The following RAPGEF1 variants were observed in gnomAD, a reference collection of about 807,000 sequenced individuals.
RAPGEF1 encodes Rap guanine nucleotide exchange factor 1.
In RAPGEF1, 33 loss-of-function variants were observed where a neutral mutation model predicts 143.3. The ratio of observed to expected loss-of-function variants is 0.23; its 90% CI spans 0.17 to 0.31. The LOEUF (loss-of-function observed/expected upper bound fraction) is 0.31. RAPGEF1 is among the 10% of genes least tolerant of loss of function. RAPGEF1 has a pLI of 1.00. For synonymous variants in RAPGEF1, 629 were observed against 676.5 expected, an observed-to-expected ratio of 0.93 and a Z score of 1.09; for missense variants, 1,199 against 1,645.4, an observed-to-expected ratio of 0.73 and a Z score of 4.69.
chr9:131,671,535 C>G (rs1318328756), intron 1 of RAPGEF1, among the ~76,000 whole-genome samples: 2 of 152,234 alleles, frequency 1.3e-5, no homozygotes, highest in East Asian at 3.8e-4. Flanking sequence ...TCTGGGGGCA[C>G]TGGAATGCAG....
intron 17 of RAPGEF1, among the ~76,000 whole-genome samples, chr9:131,595,881 G>C (rs935087065): frequency 1.3e-5 from 2 of 152,224 alleles, no homozygotes; most frequent in Non-Finnish European, 2.9e-5. Flanking sequence ...TTTCCTCGTG[G>C]AGTATGTGAG....
chr9:131,688,852 C>A (rs1833567994), intron 1 of RAPGEF1, among the ~76,000 whole-genome samples: 1 of 152,164 alleles, frequency 6.6e-6, no homozygotes, highest in African/African-American at 2.4e-5. Flanking sequence ...GAGCCAAGAT[C>A]GTGCCACTGC....
Position 131,604,961 on chromosome 9 carries a change from G to A in RAPGEF1, c.2289C>T (p.Cys763=). The A allele has an allele frequency of 7.6e-7, 1 of 1,313,934 alleles. No homozygotes were observed. Among genetic ancestry groups the A allele is most frequent in the South Asian group, 1.2e-5 (1 of 81,696 alleles). 81.4% of individuals were successfully genotyped at this position (1,313,934 alleles called of 1,614,324 possible). Residue 763 remains cysteine, a synonymous_variant, in exon 13 of 27, where the codon TGC becomes TGT. Coordinates refer to ENST00000683357, the MANE Select transcript of RAPGEF1 (RefSeq NM_001377935.1). ...CAGTGAAAGAGGTTTCGGAAGGAAG[G>A]CAGACAGTATTCCCATGAAAGCTGC... is the stretch of plus-strand genomic sequence containing the variant. ...QESSFHGNTV[C]LPSETSFTDS...
intron 1 of RAPGEF1, among the ~76,000 whole-genome samples, chr9:131,663,195 G>A (rs930127860): frequency 2.6e-5 from 4 of 151,812 alleles, no homozygotes; most frequent in African/African-American, 9.7e-5. Context: ...TTCGTCAACC[G>A]TTAACATTTT....
intron 1 of RAPGEF1, chr9:131,725,318 T>C (rs1421356738): frequency 6.6e-6 from 1 of 152,070 alleles, no homozygotes; most frequent in African/African-American, 2.4e-5. Context: ...GTCCCAGAGG[T>C]TAACATATTG....
chr9:131,627,994 G>A lies in RAPGEF1; in HGVS notation c.1120C>T (p.Leu374Phe), dbSNP rs371392582. 1.1e-4 allele frequency: 172 copies of A among 1,594,098 alleles called. No homozygotes were observed. The highest frequency in any genetic ancestry group is 1.4e-4 in the Non-Finnish European group (166 of 1,170,574). The part of the protein sequence containing the change: ...RLSPCSSIGK[L>F]SKSDEQLSSL... ...GACAGCTGCTCGTCTGACTTGCTGA[G>A]CTTGCCTATGCTGCTGCAGGGGGAG... is the stretch of plus-strand genomic sequence containing the variant. Residue 374 changes from leucine (L) to phenylalanine (F), a missense_variant, in exon 9 of 27, where the codon CTC (leucine) becomes TTC (phenylalanine). Coordinates refer to ENST00000683357, the MANE Select transcript of RAPGEF1 (RefSeq NM_001377935.1).
At chr9:131,581,877 A>G (rs1951915131) in intron 25 of RAPGEF1, among the ~76,000 whole-genome samples, 1 of 152,186 alleles carries the variant, frequency 6.6e-6, no homozygotes, top group African/African-American at 2.4e-5. Context: ...CAGAGCAGGA[A>G]GCCTGGGGAT....
At chr9:131,603,913 G>T in intron 14 of RAPGEF1, 48 bp downstream of exon 14, 1 of 1,191,450 alleles carries the variant, frequency 8.4e-7, no homozygotes. Flanking sequence ...CAGAGCCCAA[G>T]CCCCACCAGG....
At chr9:131,588,496 C>G (rs1953586653) in intron 20 of RAPGEF1, among the ~76,000 whole-genome samples, 1 of 152,242 alleles carries the variant, frequency 6.6e-6, no homozygotes, top group Non-Finnish European at 1.5e-5. Flanking sequence ...GCATCAACCA[C>G]TGCCATGTTC....
rs17148121 is a variant in RAPGEF1 at position 131,628,423 on chromosome 9, C to T, written c.1017+126G>A. The T allele has an allele frequency of 0.16, 209,621 of 1,296,498 alleles. 21,243 individuals are homozygous for T. The highest frequency in any genetic ancestry group is 0.44 in the African/African-American group (29,797 of 67,724). The allele number at this position is 1,296,498 out of a possible 1,614,324, so 80.3% of individuals were successfully genotyped here. ...AGAGAGAGGGATGGGTACAAGGTCT[C>T]GCACTCCTCGATGTGACAAACACCA... On this transcript the variant is annotated intron_variant, in intron 8 of 26. Transcript: ENST00000683357. This position sits in a 1 kb window ranked among gnomAD's most constrained non-coding sequence, Gnocchi z 5.7.
Position 131,655,298 on chromosome 9 carries a change from A to G in RAPGEF1, c.62-4349T>C, listed in dbSNP as rs796200348. ...ACAGCTGTGTGATGGCCAGAGCTGC[A>G]GAAAGCCCTTCTTAGTCCCCAGATG... is the stretch of plus-strand genomic sequence containing the variant. On this transcript the variant is annotated intron_variant, in intron 1 of 26. Coordinates refer to ENST00000683357, the MANE Select transcript of RAPGEF1 (RefSeq NM_001377935.1). This position sits in a 1 kb window ranked among gnomAD's most constrained non-coding sequence, Gnocchi z 4.1. 5.9e-5 allele frequency among the ~76,000 whole-genome samples: 9 copies of G among 152,352 alleles called. No individual in the cohort carries two copies. Among genetic ancestry groups the G allele is most frequent in the African/African-American group, 2.2e-4 (9 of 41,586 alleles).
At chr9:131,615,847 G>A (rs1334040454) in intron 12 of RAPGEF1, among the ~76,000 whole-genome samples, 1 of 152,068 alleles carries the variant, frequency 6.6e-6, no homozygotes, top group East Asian at 1.9e-4. Flanking sequence ...CCCTGTCCTT[G>A]CTCCGCCACC....
At chr9:131,647,090 G>A (rs533302038) in intron 3 of RAPGEF1, among the ~76,000 whole-genome samples, 1 of 152,318 alleles carries the variant, frequency 6.6e-6, no homozygotes, top group Admixed American at 6.5e-5. Flanking sequence ...CCCAGTATAT[G>A]GCTAAATTTC....
chr9:131,697,196 G>GGTCC (rs5900952), intron 1 of RAPGEF1, among the ~76,000 whole-genome samples: 2 of 151,536 alleles, frequency 1.3e-5, no homozygotes, highest in Non-Finnish European at 2.9e-5. Flanking sequence ...ATCCCTTCTC[G>GGTCC]CTCCCTCCCT....
rs946329165 is a variant in RAPGEF1, at chr9:131,576,868, G to A, written c.*2629C>T. On this transcript the variant is annotated 3_prime_UTR_variant, in exon 27 of 27. Coordinates refer to ENST00000683357, the MANE Select transcript of RAPGEF1 (RefSeq NM_001377935.1). ...GATGCCACCATCAGACAGGTTAGCT[G>A]GGGCATATATATTACAATGTAACCC... The A allele has an allele frequency of 1.3e-5, 2 of 152,206 alleles. No individual in the cohort carries two copies. Among genetic ancestry groups the A allele is most frequent in the South Asian group, 4.1e-4 (2 of 4,828 alleles). 9.4% of individuals were successfully genotyped at this position (152,206 alleles called of 1,614,324 possible). A position where few individuals can be genotyped will look rare whatever the true frequency, so the allele number is the denominator to read the frequency against.
rs1231789178 is a variant in RAPGEF1, at chr9:131,605,100, G to C, written c.2150C>G (p.Ser717Cys). Residue 717 changes from serine to cysteine, a missense_variant, in exon 13 of 27, where the codon TCC (serine) becomes TGC (cysteine). Physicochemically the swap from Ser to Cys is moderately radical, Grantham distance 112. Transcript: ENST00000683357. Reference protein sequence around the residue: ...VPPFLPPTSSSSPHFPPAHQS... With the variant: ...VPPFLPPTSSCSPHFPPAHQS... ...GTGGGCAGGTGGGAAATGTGGAGAG[G>C]AAGAGGAGGTAGGCGGAAGGAAAGG... The C allele has an allele frequency of 1.5e-6, 2 of 1,365,140 alleles. No homozygotes were observed. Among genetic ancestry groups the C allele is most frequent in the African/African-American group, 3.0e-5 (2 of 67,720 alleles). 84.6% of individuals were successfully genotyped at this position (1,365,140 alleles called of 1,614,324 possible).
In RAPGEF1 at chr9:131,603,962, C is replaced by G. The variant is rs1317180586; in HGVS notation, c.2411G>C (p.Gly804Ala). 1 of 1,321,320 alleles carries G rather than the reference C, an allele frequency of 7.6e-7. No individual in the cohort carries two copies. Among genetic ancestry groups the G allele is most frequent in the Non-Finnish European group, 1.0e-6 (1 of 997,116 alleles). The allele number at this position is 1,321,320 out of a possible 1,614,324, so 81.8% of individuals were successfully genotyped here. Residue 804 changes from glycine to alanine, a missense_variant and splice_region_variant, in exon 14 of 27, where the codon GGA (glycine) becomes GCA (alanine). This residue lies in a region of RAPGEF1 where 293 missense variants were observed against 356.2 expected (regional missense o/e 0.82). Coordinates refer to ENST00000683357, the MANE Select transcript of RAPGEF1 (RefSeq NM_001377935.1). The stretch of plus-strand genomic sequence containing the variant: ...AGGAGGCCGCCCGAGGTTACTTACT[C>G]CTCGAGAGGGAGCCAGCTCCTCGCT... ...QSSEELAPSR[G>A]EPPAGKDGHP... is the part of the protein sequence containing the mutation.
intron 1 of RAPGEF1, among the ~76,000 whole-genome samples, chr9:131,711,472 C>T (rs916502464): frequency 6.6e-6 from 1 of 151,840 alleles, no homozygotes; most frequent in Non-Finnish European, 1.5e-5. Context: ...ATTCTCTTGC[C>T]TCAGCCTCCT....
chr9:131,701,218 C>T (rs1834620918), intron 1 of RAPGEF1, among the ~76,000 whole-genome samples: 2 of 152,170 alleles, frequency 1.3e-5, no homozygotes, highest in East Asian at 3.8e-4. Flanking sequence ...ATGTATTTTA[C>T]GCACGTTCCC....
Sources: allele counts gnomAD v4.1 joint callset (sites outside exome capture counted in the v4.1 genomes callset), GRCh38; gene constraint gnomAD v4.1.1; regional missense constraint gnomAD v4.1.1; non-coding constraint Gnocchi (gnomAD v3.1); transcripts MANE v1.5; gene names NCBI Gene and HGNC (gene_info 2026-07-23, HGNC 2026-07-21).